The following SLC67A1 variants were observed in gnomAD, a reference collection of about 807,000 sequenced individuals.
The protein encoded by SLC67A1 is solute carrier family 67 member A1.
chr11:2,923,845 G>T, the SLC67A1 span, among the ~76,000 whole-genome samples: 1 of 152,220 alleles, frequency 6.6e-6, no homozygotes, highest in African/African-American at 2.4e-5. The surrounding 1 kb of genome is among the most constrained non-coding windows in gnomAD (Gnocchi z 6.5). Flanking sequence ...GTTCCCAGCA[G>T]CAGCTTGGAA....
chr11:2,913,941 G>T, the SLC67A1 span, among the ~76,000 whole-genome samples: 1 of 152,258 alleles, frequency 6.6e-6, no homozygotes, highest in African/African-American at 2.4e-5. Context: ...GGCAGCCTCA[G>T]GTGTGGGCTG....
At chr11:2,903,669 C>T in the SLC67A1 span, 21 of 659,070 alleles carry the variant, frequency 3.2e-5, no homozygotes, top group African/African-American at 2.4e-4. Context: ...TCTGGACCCC[C>T]GTCAGCACAT....
chr11:2,914,675 C>G, the SLC67A1 span: 1 of 984,094 alleles, frequency 1.0e-6, no homozygotes, highest in African/African-American at 1.7e-5. Context: ...TGGCTTCCTG[C>G]CACCATGCCT....
At chr11:2,912,972 C>T in the SLC67A1 span, among the ~76,000 whole-genome samples, 997 of 152,272 alleles carry the variant, frequency 6.5e-3, 10 homozygotes, top group African/African-American at 0.023. Context: ...GAGCCAGGGG[C>T]ACTGGAGCTC....
chr11:2,900,754 C>T, the SLC67A1 span, among the ~76,000 whole-genome samples: 2 of 147,238 alleles, frequency 1.4e-5, no homozygotes, highest in South Asian at 2.2e-4. Context: ...TGCTTAGGCT[C>T]AACAAAGTAT....
At chr11:2,918,512 C>T in the SLC67A1 span, among the ~76,000 whole-genome samples, 5 of 152,210 alleles carry the variant, frequency 3.3e-5, no homozygotes, top group East Asian at 7.7e-4. Context: ...TAGCGAGCCA[C>T]GGACAAGCCC....
chr11:2,909,747 G>A, the SLC67A1 span: 2 of 1,425,174 alleles, frequency 1.4e-6, no homozygotes, highest in South Asian at 1.5e-5. Context: ...CTGTGGGTCA[G>A]GACGCCCGCG....
At chr11:2,900,564 G>T in the SLC67A1 span, among the ~76,000 whole-genome samples, 21 of 151,834 alleles carry the variant, frequency 1.4e-4, no homozygotes, top group African/African-American at 5.1e-4. Flanking sequence ...GCTGTGGCGG[G>T]CGCCTGTAGT....
chr11:2,925,036 G>A, the SLC67A1 span: 2 of 1,613,110 alleles, frequency 1.2e-6, no homozygotes, highest in Non-Finnish European at 1.7e-6. This position sits in a 1 kb window ranked among gnomAD's most constrained non-coding sequence, Gnocchi z 6.5. Flanking sequence ...CTGCGCCTCT[G>A]TACAACCACT....
chr11:2,917,388 G>A, the SLC67A1 span, among the ~76,000 whole-genome samples: 1 of 152,246 alleles, frequency 6.6e-6, no homozygotes, highest in Non-Finnish European at 1.5e-5. Flanking sequence ...AGAAAGTCCA[G>A]GGGGAGGGCC....
chr11:2,907,960 CTGGGGCGTG>C, the SLC67A1 span, among the ~76,000 whole-genome samples: 1 of 152,174 alleles, frequency 6.6e-6, no homozygotes, highest in African/African-American at 2.4e-5. The surrounding 1 kb of genome is among the most constrained non-coding windows in gnomAD (Gnocchi z 6.7). Flanking sequence ...AGGTGCCTCT[CTGGGGCGTG>C]CCCCCAGAGG....
chr11:2,909,210 G>T, the SLC67A1 span: 2 of 1,536,612 alleles, frequency 1.3e-6, no homozygotes, highest in Non-Finnish European at 1.7e-6. Flanking sequence ...GCAGACCAGC[G>T]CGGGGCGCGG....
the SLC67A1 span, among the ~76,000 whole-genome samples, chr11:2,901,243 G>C: frequency 1.3e-5 from 2 of 152,212 alleles, no homozygotes; most frequent in Non-Finnish European, 2.9e-5. Context: ...ACGAAGGGTA[G>C]CTGCTGAACC....
the SLC67A1 span, chr11:2,902,822 G>A: frequency 1.2e-6 from 1 of 849,106 alleles, no homozygotes; most frequent in African/African-American, 1.8e-5. Flanking sequence ...CACAGGGGAA[G>A]GTAGACCTTC....
At chr11:2,923,201 G>A in the SLC67A1 span, among the ~76,000 whole-genome samples, 1 of 152,306 alleles carries the variant, frequency 6.6e-6, no homozygotes. This position sits in a 1 kb window ranked among gnomAD's most constrained non-coding sequence, Gnocchi z 6.5. Context: ...CCTGTGGGCT[G>A]GTTGAGGTCA....
At chr11:2,908,690 G>A in the SLC67A1 span, among the ~76,000 whole-genome samples, 1 of 152,168 alleles carries the variant, frequency 6.6e-6, no homozygotes, top group African/African-American at 2.4e-5. Context: ...AGAGAGGACA[G>A]GGACATCCTC....
the SLC67A1 span, chr11:2,916,840 A>T: frequency 4.1e-6 from 4 of 980,200 alleles, no homozygotes; most frequent in African/African-American, 6.4e-5. Context: ...GCCTGAGGGG[A>T]AATCTGGGGG....
chr11:2,914,776 C>T, the SLC67A1 span: 2 of 985,402 alleles, frequency 2.0e-6, no homozygotes, highest in South Asian at 4.7e-5. Flanking sequence ...GCAGGTTTTG[C>T]CCCTGCCCAG....
At chr11:2,917,886 G>A in the SLC67A1 span, 1 of 803,696 alleles carries the variant, frequency 1.2e-6, no homozygotes, top group Non-Finnish European at 2.0e-6. Context: ...CTTTACCCTG[G>A]CGGGCGCAAC....
Sources: gnomAD v4.1 joint callset for allele counts (sites outside exome capture counted in the v4.1 genomes callset) on GRCh38, gnomAD v4.1.1 for gene constraint, Gnocchi (gnomAD v3.1) non-coding constraint, MANE v1.5 for transcripts, NCBI Gene and HGNC (gene_info 2026-07-23, HGNC 2026-07-21) for gene names.